Variants in PCSK6 observed in about 807,000 individuals in gnomAD.
The protein encoded by PCSK6 is paired basic amino acid cleaving enzyme 4.
PCSK6 carries 85 observed loss-of-function variants against 123.3 expected under a neutral mutation model. The observed-to-expected ratio is 0.69, with a 90% confidence interval of 0.58 to 0.83. The LOEUF (loss-of-function observed/expected upper bound fraction) is 0.83. Among genes scored for constraint, PCSK6 ranks in the 40% least tolerant of loss-of-function variants. PCSK6 has a pLI of 0.00. For missense variants in PCSK6, 1,191 were observed against 1,282.3 expected, an observed-to-expected ratio of 0.93 and a Z score of 1.09; for synonymous variants, 508 against 516.0, an observed-to-expected ratio of 0.98 and a Z score of 0.21.
At chr15:101,350,688 C>T (rs1378294232) in intron 13 of PCSK6, among the ~76,000 whole-genome samples, 2 of 152,166 alleles carry the variant, frequency 1.3e-5, no homozygotes, top group Non-Finnish European at 2.9e-5. Flanking sequence ...CTGGGGAGGA[C>T]TGGAGAGTGG....
chr15:101,456,207 C>T (rs1451360392), intron 1 of PCSK6, among the ~76,000 whole-genome samples: 1 of 151,584 alleles, frequency 6.6e-6, no homozygotes, highest in East Asian at 1.9e-4. Flanking sequence ...TCATCCTACT[C>T]CAGGGATGGA....
chr15:101,475,891 G>A (rs750181200), intron 1 of PCSK6, among the ~76,000 whole-genome samples: 1 of 152,170 alleles, frequency 6.6e-6, no homozygotes, highest in Non-Finnish European at 1.5e-5. Flanking sequence ...ATGACAATTG[G>A]TCATCACTAC....
chr15:101,317,342 C>T (rs7169313), intron 19 of PCSK6, among the ~76,000 whole-genome samples: 25,118 of 152,194 alleles, frequency 0.17, 2,144 homozygotes, highest in African/African-American at 0.2. Context: ...TCCGAGCCCA[C>T]AGACTGATGG....
chr15:101,344,913 C>G (rs2040695607), intron 13 of PCSK6, among the ~76,000 whole-genome samples: 1 of 152,106 alleles, frequency 6.6e-6, no homozygotes, highest in Non-Finnish European at 1.5e-5. Flanking sequence ...ACCTCAGCCT[C>G]CCAAATACAT....
At chr15:101,431,280 G>GTT (rs1387726137) in intron 4 of PCSK6, 40 bp downstream of exon 4, 1 of 1,608,782 alleles carries the variant, frequency 6.2e-7, no homozygotes, top group African/African-American at 1.3e-5. Flanking sequence ...GACCAGCACA[G>GTT]TTGAATATAT....
intron 1 of PCSK6, among the ~76,000 whole-genome samples, chr15:101,489,103 C>T (rs1191126724): frequency 2.0e-5 from 3 of 147,836 alleles, no homozygotes; most frequent in East Asian, 2.0e-4. Flanking sequence ...GCGGCACTGC[C>T]GGGGGACTTG....
chr15:101,374,784 C>T (rs930734830), intron 11 of PCSK6, among the ~76,000 whole-genome samples: 1 of 152,218 alleles, frequency 6.6e-6, no homozygotes, highest in African/African-American at 2.4e-5. Flanking sequence ...GGAGGGCACA[C>T]AGTGCCCGTG....
chr15:101,346,294 T>C (rs1196005794), intron 13 of PCSK6: 2 of 152,282 alleles, frequency 1.3e-5, no homozygotes, highest in African/African-American at 4.8e-5. Context: ...TGGAAAGCAA[T>C]CTACATGTCC....
At position 101,489,423 on chromosome 15, in the gene PCSK6, G is replaced by A; in HGVS notation, c.248C>T (p.Ala83Val). ...CGCCGCCGCCACGCGGTCCGCCTCG[G>A]CCGGGCCGCCCAGCACTTGCACCGC... ...HWAVQVLGGPAEADRVAAAHG... is the reference protein window; with the variant it reads ...HWAVQVLGGPVEADRVAAAHG... Residue 83 changes from alanine to valine, a missense_variant, in exon 1 of 22, where the codon GCC (alanine) becomes GTC (valine). By Grantham distance (64) the Ala-to-Val change is moderately conservative (BLOSUM62 0). Coordinates refer to ENST00000611716, the MANE Select transcript of PCSK6 (RefSeq NM_002570.5). 1 of 1,281,396 alleles carries A rather than the reference G, an allele frequency of 7.8e-7. No individual in the cohort carries two copies. The highest frequency in any genetic ancestry group is 1.0e-6 in the Non-Finnish European group (1 of 1,000,716). 79.4% of individuals were successfully genotyped at this position (1,281,396 alleles called of 1,614,324 possible).
intron 6 of PCSK6, among the ~76,000 whole-genome samples, chr15:101,403,790 G>A (rs944067970): frequency 8.5e-5 from 13 of 152,124 alleles, no homozygotes; most frequent in Non-Finnish European, 1.8e-4. Context: ...CGCCATTTCG[G>A]CTCACTGCAA....
chr15:101,362,439 T>TG (rs1211300984), intron 13 of PCSK6, among the ~76,000 whole-genome samples: 18 of 152,062 alleles, frequency 1.2e-4, no homozygotes, highest in Non-Finnish European at 1.2e-4. Flanking sequence ...AGGTGCTCAG[T>TG]GTCACGGGGC....
intron 13 of PCSK6, among the ~76,000 whole-genome samples, chr15:101,363,810 T>TC (rs2041308011): frequency 6.6e-6 from 1 of 151,594 alleles, no homozygotes; most frequent in Non-Finnish European, 1.5e-5. Flanking sequence ...TTTTTTTTTT[T>TC]TGGATTTTTA....
chr15:101,435,895 G>A (rs776192348), intron 2 of PCSK6, among the ~76,000 whole-genome samples: 3 of 152,202 alleles, frequency 2.0e-5, no homozygotes, highest in Non-Finnish European at 2.9e-5. Context: ...CCATGCCACC[G>A]AGTTGTGATC....
At chr15:101,358,979 C>T (rs2041128696) in intron 13 of PCSK6, among the ~76,000 whole-genome samples, 1 of 152,166 alleles carries the variant, frequency 6.6e-6, no homozygotes, top group African/African-American at 2.4e-5. Context: ...ACCCAGGCTC[C>T]CAGGCTAGCT....
chr15:101,326,283 A>C, intron 16 of PCSK6, 94 bp downstream of exon 16: 1 of 922,400 alleles, frequency 1.1e-6, no homozygotes, highest in Admixed American at 2.2e-5. Flanking sequence ...GTGCTACGTT[A>C]CTTCCTAACT....
chr15:101,480,323 C>T lies in PCSK6; in HGVS notation c.297+9051G>A, dbSNP rs117236931. Among the ~76,000 whole-genome samples the T allele has an allele frequency of 3.6e-3, 546 of 152,364 alleles. 4 individuals carry two copies. Among genetic ancestry groups the T allele is most frequent in the South Asian group, 5.6e-3 (27 of 4,828 alleles). ...CCAATTCAGTAAATGGGTCCATGTG[C>T]GGCTGGGCAGAGCCACAGGTCGGGC... is the stretch of plus-strand genomic sequence containing the variant. On this transcript the variant is annotated intron_variant, in intron 1 of 21. Transcript: ENST00000611716.
At chr15:101,395,701 A>G (rs1000788645) in intron 7 of PCSK6, among the ~76,000 whole-genome samples, 1 of 152,080 alleles carries the variant, frequency 6.6e-6, no homozygotes, top group Non-Finnish European at 1.5e-5. Flanking sequence ...TTTTCAGTAA[A>G]CTCACAACTT....
intron 13 of PCSK6, chr15:101,346,624 A>G: frequency 2.0e-6 from 1 of 506,990 alleles, no homozygotes; most frequent in Non-Finnish European, 3.0e-6. Flanking sequence ...AGAATGCCGA[A>G]CCATGCAGGC....
Position 101,322,370 on chromosome 15 carries a change from C to T in PCSK6, c.2465+150G>A, listed in dbSNP as rs564125500. ...TCCCTTTCCATCCTAAGTGGACACA[C>T]GATTTCCAGGACTCGGAATCTTTAC... On this transcript the variant is annotated intron_variant, in intron 18 of 21. Transcript: ENST00000611716. 3.1e-4 allele frequency: 194 copies of T among 617,772 alleles called. 1 individual carries two copies. In the Middle Eastern group the frequency reaches 7.1e-3, roughly 23 times the overall value. The allele number at this position is 617,772 out of a possible 1,614,324, so 38.3% of individuals were successfully genotyped here. A position where few individuals can be genotyped will look rare whatever the true frequency, so the allele number is the denominator to read the frequency against.
Sources: gnomAD v4.1 joint callset for allele counts (sites outside exome capture counted in the v4.1 genomes callset) on GRCh38, gnomAD v4.1.1 for gene constraint, MANE v1.5 for transcripts, NCBI Gene and HGNC (gene_info 2026-07-23, HGNC 2026-07-21) for gene names.